PCDHGB7: variants seen among roughly 807,000 people sequenced by gnomAD.
The protein encoded by PCDHGB7 is protocadherin gamma subfamily B, 7, also known as protocadherin gamma-B7.
A neutral mutation model predicts 61.4 loss-of-function variants in PCDHGB7; 37 were observed. The ratio of observed to expected loss-of-function variants is 0.60; its 90% confidence interval spans 0.46 to 0.79. PCDHGB7 has a LOEUF of 0.79. Ranked by LOEUF, PCDHGB7 falls within the 30% of genes least tolerant of loss-of-function variation. The probability of loss-of-function intolerance (pLI) is 0.00; values close to 1 mark genes in which losing one functional copy is unlikely to be tolerated. For missense variants in PCDHGB7, 1,166 were observed against 1,202.5 expected (o/e 0.97, Z 0.45); for synonymous variants, 464 against 503.5 (o/e 0.92, Z 1.05).
At chr5:141,498,264 C>A (rs1272117057) in intron 2 of PCDHGB7, among the ~76,000 whole-genome samples, 2 of 152,016 alleles carry the variant, frequency 1.3e-5, no homozygotes, top group Admixed American at 1.3e-4. Context: ...GTGTTGAGTT[C>A]TTCAGTAAAC....
Position 141,476,949 on chromosome 5 carries a change from A to G in PCDHGB7, c.2416-17858A>G. The stretch of plus-strand genomic sequence containing the variant: ...GATCTGGATGAAGGCCCCAACGGTG[A>G]AATTATTTACTCCTTCGGCAGCCAC... On this transcript the variant is annotated intron_variant, in intron 1 of 3. Transcript: ENST00000398594. The surrounding 1 kb of genome is among the most constrained non-coding windows in gnomAD (Gnocchi z 7.6). 6.2e-7 allele frequency: 1 copy of G among 1,614,200 alleles called. No individual in the cohort carries two copies. Among genetic ancestry groups the G allele is most frequent in the Admixed American group, 1.7e-5 (1 of 60,038 alleles).
Position 141,476,489 on chromosome 5 carries a change from A to G in PCDHGB7, c.2416-18318A>G. ...GGAGCTGTTCAGCGTGGAAGTGGTGATCCAGGACATCAACGACAACAATCC... is the reference window on the plus strand; with the variant it reads ...GGAGCTGTTCAGCGTGGAAGTGGTGGTCCAGGACATCAACGACAACAATCC... On this transcript the variant is annotated intron_variant, in intron 1 of 3. Coordinates refer to ENST00000398594, the MANE Select transcript of PCDHGB7 (RefSeq NM_018927.4). The surrounding 1 kb of genome is among the most constrained non-coding windows in gnomAD (Gnocchi z 7.6). The G allele has an allele frequency of 6.2e-7, 1 of 1,613,928 alleles. No individual in the cohort carries two copies. Among genetic ancestry groups the G allele is most frequent in the Non-Finnish European group, 8.5e-7 (1 of 1,179,976 alleles).
At position 141,432,463 on chromosome 5, in the gene PCDHGB7, C is replaced by T; in HGVS notation, c.2415+12189C>T. ...CCGAGATCCTGTACCCCGCCCTCCC[C>T]ACGGACGGTTCCACTGGCGTGGAGC... On this transcript the variant is annotated intron_variant, in intron 1 of 3. Transcript: ENST00000398594. The surrounding 1 kb of genome is among the most constrained non-coding windows in gnomAD (Gnocchi z 6.0). 6.2e-7 allele frequency: 1 copy of T among 1,614,238 alleles called. No individual in the cohort carries two copies. The highest frequency in any genetic ancestry group is 1.1e-5 in the South Asian group (1 of 91,084).
chr5:141,481,065 AAAAG>A (rs1476331686), intron 1 of PCDHGB7, among the ~76,000 whole-genome samples: 1 of 152,164 alleles, frequency 6.6e-6, no homozygotes, highest in Non-Finnish European at 1.5e-5. Flanking sequence ...CTCAAAAACA[AAAAG>A]AAAGAAAGAA....
At chr5:141,447,232 C>T (rs988057696) in intron 1 of PCDHGB7, among the ~76,000 whole-genome samples, 3 of 152,062 alleles carry the variant, frequency 2.0e-5, no homozygotes, top group East Asian at 1.9e-4. Flanking sequence ...CTCCGCCTCC[C>T]GGGTTCAAGT....
chr5:141,477,808 C>T lies in PCDHGB7; in HGVS notation c.2416-16999C>T, dbSNP rs750186099. 2.5e-6 allele frequency: 4 copies of T among 1,613,994 alleles called. No individual in the cohort carries two copies. In the African/African-American group the frequency reaches 4.0e-5, roughly 16 times the overall value. On this transcript the variant is annotated intron_variant, in intron 1 of 3. Coordinates refer to ENST00000398594, the MANE Select transcript of PCDHGB7 (RefSeq NM_018927.4). The surrounding 1 kb of genome is among the most constrained non-coding windows in gnomAD (Gnocchi z 4.9). ...TTGTCACTGATCGCAATGACAATGC[C>T]CCCCAGGTCCTATATCCTCGGCCAG...
rs570083634 is a variant in PCDHGB7, at chr5:141,427,859, C to G, written c.2415+7585C>G. 25 of 1,556,390 alleles carry G rather than the reference C, an allele frequency of 1.6e-5. No homozygotes were observed. The Admixed American group carries it at 2.0e-4, about 13-fold the overall frequency. ...CCTTCGACCACGAGCAGCTGTGCGC[C>G]TTCGAGCTCACGATGCAGGCCCACG... On this transcript the variant is annotated intron_variant, in intron 1 of 3. Coordinates refer to ENST00000398594, the MANE Select transcript of PCDHGB7 (RefSeq NM_018927.4).
Position 141,477,584 on chromosome 5 carries a change from G to A in PCDHGB7, c.2416-17223G>A. 5 of 1,614,148 alleles carry A rather than the reference G, an allele frequency of 3.1e-6. No homozygotes were observed. Among genetic ancestry groups the A allele is most frequent in the Non-Finnish European group, 4.2e-6 (5 of 1,180,032 alleles). On this transcript the variant is annotated intron_variant, in intron 1 of 3. Coordinates refer to ENST00000398594, the MANE Select transcript of PCDHGB7 (RefSeq NM_018927.4). This position sits in a 1 kb window ranked among gnomAD's most constrained non-coding sequence, Gnocchi z 4.9. ...CTGGGACCCCGACGCCCCGCAGAAT[G>A]CTCGGCTTTCTTTCTTTCTCTTGGA...
chr5:141,418,463 C>A lies in PCDHGB7; in HGVS notation c.604C>A (p.Arg202=), dbSNP rs1046926260. Residue 202 remains arginine, a synonymous_variant, in exon 1 of 4, where the codon CGA becomes AGA. Transcript: ENST00000398594. ...PELVLQKTLD[R]ETQSAHHLVL... ...ATTAGTATTGCAGAAGACTCTGGAC[C>A]GAGAAACGCAGAGCGCTCACCACTT... 1.2e-6 allele frequency: 2 copies of A among 1,613,826 alleles called. No homozygotes were observed. Among genetic ancestry groups the A allele is most frequent in the Non-Finnish European group, 1.7e-6 (2 of 1,179,886 alleles).
chr5:141,498,078 G>A (rs1165770641), intron 2 of PCDHGB7, among the ~76,000 whole-genome samples: 6 of 152,194 alleles, frequency 3.9e-5, no homozygotes, highest in African/African-American at 1.4e-4. Flanking sequence ...ATAAGTGCTA[G>A]GTAGAATTGT....
chr5:141,467,506 G>A (rs1364362269), intron 1 of PCDHGB7, among the ~76,000 whole-genome samples: 1 of 152,094 alleles, frequency 6.6e-6, no homozygotes, highest in Non-Finnish European at 1.5e-5. Flanking sequence ...TGATCTAATT[G>A]GAGTTTATTC....
chr5:141,453,465 A>G (rs1167340749), intron 1 of PCDHGB7, among the ~76,000 whole-genome samples: 2 of 152,098 alleles, frequency 1.3e-5, no homozygotes, highest in African/African-American at 4.8e-5. Flanking sequence ...AAACATTAAC[A>G]TAAAGTCAAA....
At position 141,477,850 on chromosome 5, in the gene PCDHGB7, G is replaced by A; in HGVS notation, c.2416-16957G>A. On this transcript the variant is annotated intron_variant, in intron 1 of 3. Transcript: ENST00000398594. The surrounding 1 kb of genome is among the most constrained non-coding windows in gnomAD (Gnocchi z 4.9). ...CTCGGCCAGGTGGGAGCTCGGTGGAGATGCTGCCTCGAGGTACCTCAGCTG... is the reference window on the plus strand; with the variant it reads ...CTCGGCCAGGTGGGAGCTCGGTGGAAATGCTGCCTCGAGGTACCTCAGCTG... 6.2e-7 allele frequency: 1 copy of A among 1,613,446 alleles called. No homozygotes were observed. Among genetic ancestry groups the A allele is most frequent in the Admixed American group, 1.7e-5 (1 of 59,958 alleles).
intron 2 of PCDHGB7, among the ~76,000 whole-genome samples, chr5:141,499,022 A>C (rs1244590420): frequency 2.7e-5 from 4 of 150,722 alleles, no homozygotes; most frequent in Admixed American, 2.0e-4. Context: ...GGAAGGAAGG[A>C]AGGAAGAAAA....
chr5:141,421,082 C>A, intron 1 of PCDHGB7: 1 of 640,114 alleles, frequency 1.6e-6, no homozygotes, highest in Non-Finnish European at 2.6e-6. Flanking sequence ...TGGATACTCA[C>A]AGATCCTGAC....
At chr5:141,421,435 A>G (rs775839500) in intron 1 of PCDHGB7, 3 of 1,614,108 alleles carry the variant, frequency 1.9e-6, no homozygotes, top group East Asian at 4.5e-5. Context: ...CATCGTCTCC[A>G]GAGGGAAGAC....
chr5:141,421,513 C>G lies in PCDHGB7; in HGVS notation c.2415+1239C>G, dbSNP rs368199651. ...GGCAGGCAGGATAGACCGGGAGGAG[C>G]TCTGTGAGACGGTGTCCTCCTGTTT... On this transcript the variant is annotated intron_variant, in intron 1 of 3. Coordinates refer to ENST00000398594, the MANE Select transcript of PCDHGB7 (RefSeq NM_018927.4). 61 of 1,614,078 alleles carry G rather than the reference C, an allele frequency of 3.8e-5. No individual in the cohort carries two copies. The African/African-American group carries it at 7.5e-4, about 20-fold the overall frequency.
intron 2 of PCDHGB7, among the ~76,000 whole-genome samples, chr5:141,504,341 CTTTGTGCTAGGT>C (rs963088433): frequency 3.9e-5 from 6 of 152,020 alleles, no homozygotes; most frequent in African/African-American, 1.4e-4. Flanking sequence ...AAGTGCTAGG[CTTTGTGCTAGGT>C]GCTTCAGTAG....
chr5:141,489,126 T>G lies in PCDHGB7; in HGVS notation c.2416-5681T>G. 31 of 585,108 alleles carry G rather than the reference T, an allele frequency of 5.3e-5. No homozygotes were observed. Among genetic ancestry groups the G allele is most frequent in the South Asian group, 1.3e-4 (4 of 31,402 alleles). 36.2% of individuals were successfully genotyped at this position (585,108 alleles called of 1,614,324 possible). On this transcript the variant is annotated intron_variant, in intron 1 of 3. Transcript: ENST00000398594. The surrounding 1 kb of genome is among the most constrained non-coding windows in gnomAD (Gnocchi z 4.5). ...TGCAAGCAGGCAAACCTCCGAGCAG[T>G]TTTTAAGAGGCTGGAAGGAGACATA...
Sources: allele counts gnomAD v4.1 joint callset (sites outside exome capture counted in the v4.1 genomes callset), GRCh38; gene constraint gnomAD v4.1.1; non-coding constraint Gnocchi (gnomAD v3.1); transcripts MANE v1.5; gene names NCBI Gene and HGNC (gene_info 2026-07-23, HGNC 2026-07-21).